The following SLC16A12 variants were observed in gnomAD, a reference collection of about 807,000 sequenced individuals.
The protein encoded by SLC16A12 is solute carrier family 16 member 12.
In SLC16A12, 17 loss-of-function variants were observed where a neutral mutation model predicts 42.4. The ratio of observed to expected loss-of-function variants is 0.40; its 90% CI spans 0.27 to 0.60. The LOEUF (loss-of-function observed/expected upper bound fraction) is 0.60. Ranked by LOEUF, SLC16A12 falls within the 20% of genes least tolerant of loss-of-function variation. The probability of loss-of-function intolerance (pLI) is 0.42; values close to 1 mark genes in which losing one functional copy is unlikely to be tolerated. For synonymous variants in SLC16A12, 224 were observed against 229.4 expected (o/e 0.98, Z 0.21); for missense variants, 544 against 623.0 (o/e 0.87, Z 1.35).
intron 2 of SLC16A12, among the ~76,000 whole-genome samples, chr10:89,544,222 G>A (rs911303136): frequency 6.6e-5 from 10 of 152,212 alleles, no homozygotes; most frequent in Non-Finnish European, 1.2e-4. Context: ...TGCTGTGCAG[G>A]TTGGTGGTTC....
At chr10:89,549,717 T>C (rs1843759918) in intron 2 of SLC16A12, among the ~76,000 whole-genome samples, 1 of 152,218 alleles carries the variant, frequency 6.6e-6, no homozygotes, top group African/African-American at 2.4e-5. Context: ...TATAATTCTT[T>C]AGTCACCAGA....
chr10:89,488,343 G>A (rs1842795292), intron 2 of SLC16A12, among the ~76,000 whole-genome samples: 1 of 152,104 alleles, frequency 6.6e-6, no homozygotes, highest in African/African-American at 2.4e-5. Context: ...CTGATTTGTG[G>A]TCAGTGCTAA....
intron 2 of SLC16A12, among the ~76,000 whole-genome samples, chr10:89,524,631 C>G (rs541865257): frequency 6.6e-6 from 1 of 152,320 alleles, no homozygotes; most frequent in African/African-American, 2.4e-5. Flanking sequence ...TTATGGGACT[C>G]ATTCCAATGC....
intron 2 of SLC16A12, among the ~76,000 whole-genome samples, chr10:89,463,706 G>GA (rs779908297): frequency 2.0e-5 from 3 of 152,136 alleles, no homozygotes. Flanking sequence ...CAGGCTTGGG[G>GA]AAAAAAACAT....
At chr10:89,463,339 T>C (rs1290577370) in intron 2 of SLC16A12, among the ~76,000 whole-genome samples, 1 of 151,878 alleles carries the variant, frequency 6.6e-6, no homozygotes, top group East Asian at 1.9e-4. Context: ...GAATGAGAAA[T>C]AAATGAGACA....
intron 3 of SLC16A12, among the ~76,000 whole-genome samples, chr10:89,452,490 C>T (rs1388132267): frequency 1.3e-5 from 2 of 152,110 alleles, no homozygotes; most frequent in Non-Finnish European, 2.9e-5. Flanking sequence ...CAAATTTAAA[C>T]ATCATGAAAA....
At chr10:89,436,011 C>T (rs771718643) in intron 7 of SLC16A12, 49 bp downstream of exon 7, 6 of 1,611,056 alleles carry the variant, frequency 3.7e-6, no homozygotes, top group Non-Finnish European at 4.2e-6. Context: ...GTTTTCACAT[C>T]AATATGCCAA....
intron 2 of SLC16A12, among the ~76,000 whole-genome samples, chr10:89,481,354 A>G (rs987756229): frequency 5.3e-5 from 8 of 151,760 alleles, no homozygotes; most frequent in African/African-American, 1.7e-4. Context: ...TTTTTTTTCC[A>G]TTTAACATCA....
chr10:89,553,519 A>G (rs566540871), intron 2 of SLC16A12, among the ~76,000 whole-genome samples: 3 of 152,314 alleles, frequency 2.0e-5, no homozygotes, highest in South Asian at 4.1e-4. Context: ...TTTTCTCCAC[A>G]TTTTGTAGCT....
chr10:89,484,711 A>G (rs940353867), intron 2 of SLC16A12, among the ~76,000 whole-genome samples: 1 of 152,206 alleles, frequency 6.6e-6, no homozygotes, highest in Non-Finnish European at 1.5e-5. Context: ...CACAAGTTGC[A>G]TACGTTTTAC....
chr10:89,448,591 T>C (rs529180326), intron 3 of SLC16A12, among the ~76,000 whole-genome samples: 1 of 152,306 alleles, frequency 6.6e-6, no homozygotes, highest in South Asian at 2.1e-4. Context: ...AAACTAGGTA[T>C]TGATGGAATG....
intron 2 of SLC16A12, among the ~76,000 whole-genome samples, chr10:89,501,984 C>T (rs1235315549): frequency 6.6e-6 from 1 of 152,130 alleles, no homozygotes; most frequent in Non-Finnish European, 1.5e-5. Flanking sequence ...CCTGTCAAAA[C>T]TGGAAAACGA....
In SLC16A12 at chr10:89,433,283, G is replaced by A. The variant is rs763161850; in HGVS notation, c.1332C>T (p.Leu444=). Residue 444 remains leucine (L), a synonymous_variant, in exon 8 of 8, where the codon CTC becomes CTT. Transcript: ENST00000371790. ...DTTGSYTAAF[L]LCGFSMIFSS... The stretch of plus-strand genomic sequence containing the variant: ...TAAATATCATTGAAAATCCACAGAG[G>A]AGGAATGCTGCAGTGTAGCTGCCGG... 7 of 1,614,032 alleles carry A rather than the reference G, an allele frequency of 4.3e-6. No homozygotes were observed. The African/African-American group carries it at 9.3e-5, about 22-fold the overall frequency.
intron 2 of SLC16A12, among the ~76,000 whole-genome samples, chr10:89,516,702 G>T (rs531295877): frequency 6.6e-6 from 1 of 152,330 alleles, no homozygotes; most frequent in African/African-American, 2.4e-5. Context: ...ATCCCCTGAT[G>T]TCACCTGGAA....
intron 2 of SLC16A12, among the ~76,000 whole-genome samples, chr10:89,502,569 G>A (rs563704946): frequency 6.6e-6 from 1 of 152,312 alleles, no homozygotes; most frequent in African/African-American, 2.4e-5. Flanking sequence ...TCAGCAGCTT[G>A]CCCAGGAGTT....
At chr10:89,550,575 A>G (rs993939187) in intron 2 of SLC16A12, among the ~76,000 whole-genome samples, 1 of 152,212 alleles carries the variant, frequency 6.6e-6, no homozygotes, top group Non-Finnish European at 1.5e-5. Flanking sequence ...TTTGCAGCTT[A>G]AAACTTTTCA....
At chr10:89,494,371 C>T (rs1185107848) in intron 2 of SLC16A12, among the ~76,000 whole-genome samples, 1 of 152,214 alleles carries the variant, frequency 6.6e-6, no homozygotes, top group Non-Finnish European at 1.5e-5. Flanking sequence ...AGTTAACACT[C>T]CCCAAATGCT....
At chr10:89,555,543 G>A (rs191272578) in intron 2 of SLC16A12, among the ~76,000 whole-genome samples, 34 of 121,556 alleles carry the variant, frequency 2.8e-4, no homozygotes, top group African/African-American at 1.4e-3. Flanking sequence ...ACGTATGTAT[G>A]TATATACGTA....
At chr10:89,454,462 GA>G (rs1842151360) in intron 3 of SLC16A12, among the ~76,000 whole-genome samples, 1 of 152,014 alleles carries the variant, frequency 6.6e-6, no homozygotes, top group Non-Finnish European at 1.5e-5. Flanking sequence ...CAATGTTCTA[GA>G]ACACCAATCA....
Sources: allele counts gnomAD v4.1 joint callset (sites outside exome capture counted in the v4.1 genomes callset), GRCh38; gene constraint gnomAD v4.1.1; transcripts MANE v1.5; gene names NCBI Gene and HGNC (gene_info 2026-07-23, HGNC 2026-07-21).